PTPRN2: variants seen among roughly 807,000 people sequenced by gnomAD.
PTPRN2 encodes the protein receptor-type tyrosine-protein phosphatase N2.
Under a neutral mutation model 118.8 loss-of-function variants are expected in PTPRN2, and 74 were observed. That is an observed-to-expected ratio of 0.62 (90% confidence interval 0.52 to 0.76). The LOEUF (loss-of-function observed/expected upper bound fraction) is 0.76, where lower values mean the gene tolerates loss of function less well. PTPRN2 is among the 30% of genes least tolerant of loss of function. The pLI is 0.00. For missense variants in PTPRN2, 1,481 were observed against 1,394.4 expected, an observed-to-expected ratio of 1.06 and a Z score of -0.99; for synonymous variants, 641 against 608.0, an observed-to-expected ratio of 1.05 and a Z score of -0.80.
At chr7:157,752,830 G>C (rs531993882) in intron 12 of PTPRN2, among the ~76,000 whole-genome samples, 1 of 152,248 alleles carries the variant, frequency 6.6e-6, no homozygotes, top group African/African-American at 2.4e-5. Flanking sequence ...CAGGGATGGC[G>C]AGGGCCGCCA....
intron 2 of PTPRN2, among the ~76,000 whole-genome samples, chr7:158,368,503 C>CTT (rs1212797972): frequency 6.6e-6 from 1 of 152,240 alleles, no homozygotes; most frequent in African/African-American, 2.4e-5. Flanking sequence ...GACAGCCACA[C>CTT]TTTGAAAAGC....
At chr7:157,797,731 C>A (rs919473569) in intron 12 of PTPRN2, among the ~76,000 whole-genome samples, 12 of 152,228 alleles carry the variant, frequency 7.9e-5, no homozygotes. Flanking sequence ...TGGTGAGGGG[C>A]TGCGTTGGGC....
chr7:157,879,383 A>G (rs1051835017), intron 12 of PTPRN2, among the ~76,000 whole-genome samples: 5 of 151,922 alleles, frequency 3.3e-5, no homozygotes, highest in African/African-American at 7.2e-5. Flanking sequence ...GTGCATGTGC[A>G]CACACACACA....
chr7:158,187,672 GA>G (rs776541032), intron 5 of PTPRN2, among the ~76,000 whole-genome samples: 1 of 152,158 alleles, frequency 6.6e-6, no homozygotes, highest in Non-Finnish European at 1.5e-5. Context: ...TAACAAAGAA[GA>G]AAAATACCTA....
intron 12 of PTPRN2, among the ~76,000 whole-genome samples, chr7:157,832,006 G>A (rs1316926211): frequency 1.3e-5 from 2 of 152,206 alleles, no homozygotes; most frequent in African/African-American, 4.8e-5. Flanking sequence ...TGATGGCCCT[G>A]AGGGGTCCTC....
chr7:157,562,749 C>T (rs1430516208), intron 21 of PTPRN2, among the ~76,000 whole-genome samples: 7 of 147,340 alleles, frequency 4.8e-5, no homozygotes, highest in East Asian at 2.1e-4. Context: ...ACCACGTGCT[C>T]CCGCGTCACC....
At chr7:157,778,722 C>G (rs13227145) in intron 12 of PTPRN2, among the ~76,000 whole-genome samples, 47,423 of 149,700 alleles carry the variant, frequency 0.32, 10,528 homozygotes, top group African/African-American at 0.63. Context: ...ACATGTCCAC[C>G]TGAATACAGG....
At position 157,851,974 on chromosome 7, in the gene PTPRN2, G is replaced by A. The variant is rs138982153; in HGVS notation, c.1788+46699C>T. 6.2e-3 allele frequency among the ~76,000 whole-genome samples: 946 copies of A among 152,354 alleles called. 4 individuals carry two copies. The highest frequency in any genetic ancestry group is 0.01 in the Non-Finnish European group (685 of 68,040). On this transcript the variant is annotated intron_variant, in intron 12 of 22. Coordinates refer to ENST00000389418, the MANE Select transcript of PTPRN2 (RefSeq NM_002847.5). Reference sequence around the variant, plus strand: ...TTTTCCTAAAGATTGACAAGAGGACGTGTTACTCAAATAACCACCCGCTCA... The same window carrying A: ...TTTTCCTAAAGATTGACAAGAGGACATGTTACTCAAATAACCACCCGCTCA...
intron 9 of PTPRN2, among the ~76,000 whole-genome samples, chr7:158,112,454 A>G (rs1199786241): frequency 6.6e-6 from 1 of 152,132 alleles, no homozygotes; most frequent in Non-Finnish European, 1.5e-5. Flanking sequence ...CGAGTGCAGG[A>G]GGCCGTCAGC....
rs1801008840 is a variant in PTPRN2 at position 157,591,994 on chromosome 7, C to T, written c.2496+3244G>A. Among the ~76,000 whole-genome samples, 1 of 152,220 alleles carries T rather than the reference C, an allele frequency of 6.6e-6. No individual in the cohort carries two copies. The highest frequency in any genetic ancestry group is 2.4e-5 in the African/African-American group (1 of 41,452). On this transcript the variant is annotated intron_variant, in intron 17 of 22. Transcript: ENST00000389418. The surrounding 1 kb of genome is among the most constrained non-coding windows in gnomAD (Gnocchi z 4.4). Reference sequence around the variant, plus strand: ...GAACATCCTGGGAGGGCTGAGGCTACTGGCCATGAGCTCTTGTCTTAGAAA... The same window carrying T: ...GAACATCCTGGGAGGGCTGAGGCTATTGGCCATGAGCTCTTGTCTTAGAAA...
At chr7:157,936,519 G>C (rs62475371) in intron 11 of PTPRN2, among the ~76,000 whole-genome samples, 1 of 138,284 alleles carries the variant, frequency 7.2e-6, no homozygotes, top group South Asian at 2.3e-4. Context: ...GTTCTCCCGA[G>C]CACCACTCAA....
Position 157,624,963 on chromosome 7 carries a change from A to G in PTPRN2, c.2197-3454T>C, listed in dbSNP as rs1363393232. Among the ~76,000 whole-genome samples, 3 of 151,776 alleles carry G rather than the reference A, an allele frequency of 2.0e-5. No individual in the cohort carries two copies. The East Asian group carries it at 5.8e-4, about 29-fold the overall frequency. On this transcript the variant is annotated intron_variant, in intron 14 of 22. Coordinates refer to ENST00000389418, the MANE Select transcript of PTPRN2 (RefSeq NM_002847.5). Reference sequence around the variant, plus strand: ...TCAAAAGAAGATATACAAATGACCAACAGACATATGAAAAAATGCTCAACA... The same window carrying G: ...TCAAAAGAAGATATACAAATGACCAGCAGACATATGAAAAAATGCTCAACA...
chr7:158,167,153 T>C lies in PTPRN2; in HGVS notation c.688A>G (p.Ser230Gly). ...TCCACACCACTGTCCACCTTAGGGC[T>C]GAGCTCATCTGGCTGGAGCTGGCCG... ...TLGQLQPDEL[S>G]PKVDSGVDRH... The change falls in exon 6 of 23, where the codon AGC becomes GGC. Residue 230 changes from serine (S) to glycine (G), a missense_variant. Ser to Gly is a moderately conservative substitution (Grantham distance 56). Around this residue, in one of 3 missense-constraint regions of PTPRN2, gnomAD observed 1,115 missense variants for 994.2 expected, o/e 1.12. Transcript: ENST00000389418. 6.2e-7 allele frequency: 1 copy of C among 1,613,932 alleles called. No individual in the cohort carries two copies. The highest frequency in any genetic ancestry group is 8.5e-7 in the Non-Finnish European group (1 of 1,179,964).
In PTPRN2 at chr7:158,192,351, C is replaced by T. The variant is rs780337691; in HGVS notation, c.525G>A (p.Thr175=). ...CCTCAGCGGGGGGTCTGTCCTGCGC[C>T]GTATGGGTCCTGGCGAGCACGTCTG... ...PASDVLARTH[T]AQDRPPAEGD... The change falls in exon 5 of 23, where the codon ACG becomes ACA. Residue 175 remains threonine (T), a synonymous_variant. Transcript: ENST00000389418. The T allele has an allele frequency of 2.5e-5, 38 of 1,511,990 alleles. No homozygotes were observed. The East Asian group carries it at 4.0e-4, about 16-fold the overall frequency. The allele number at this position is 1,511,990 out of a possible 1,614,324, so 93.7% of individuals were successfully genotyped here.
At chr7:157,762,880 G>T (rs1478068799) in intron 12 of PTPRN2, among the ~76,000 whole-genome samples, 2 of 152,190 alleles carry the variant, frequency 1.3e-5, no homozygotes, top group African/African-American at 4.8e-5. Flanking sequence ...CGTGTCCAAG[G>T]CCCTGCAGCC....
intron 11 of PTPRN2, among the ~76,000 whole-genome samples, chr7:158,001,537 C>CAT (rs1805259822): frequency 6.6e-6 from 1 of 152,074 alleles, no homozygotes; most frequent in South Asian, 2.1e-4. Flanking sequence ...CGGCTGGGGA[C>CAT]GTGCACAGCA....
intron 15 of PTPRN2, among the ~76,000 whole-genome samples, chr7:157,606,657 G>A (rs1401399616): frequency 1.3e-5 from 2 of 152,200 alleles, no homozygotes; most frequent in South Asian, 4.1e-4. Flanking sequence ...AACTCGCTGC[G>A]CACCTCCTGT....
rs948824197 is a variant in PTPRN2, at chr7:157,784,653, C to T, written c.1789-101716G>A. On this transcript the variant is annotated intron_variant, in intron 12 of 22. Transcript: ENST00000389418. The surrounding 1 kb of genome is among the most constrained non-coding windows in gnomAD (Gnocchi z 4.6). Reference sequence around the variant, plus strand: ...AAACGGGCAGGGGCTGGGCTGATCCCGTATGAAACGGGCAGGGGCTGGGCT... The same window carrying T: ...AAACGGGCAGGGGCTGGGCTGATCCTGTATGAAACGGGCAGGGGCTGGGCT... Among the ~76,000 whole-genome samples, 1 of 122,128 alleles carries T rather than the reference C, an allele frequency of 8.2e-6. No homozygotes were observed. The allele number at this position is 122,128 out of a possible 152,430, so 80.1% of individuals were successfully genotyped here.
chr7:158,117,714 A>G (rs186120544), intron 9 of PTPRN2, among the ~76,000 whole-genome samples: 8 of 152,308 alleles, frequency 5.3e-5, no homozygotes, highest in African/African-American at 1.9e-4. Flanking sequence ...TTTCCAAATA[A>G]TATTATCAGC....
Sources: gnomAD v4.1 joint callset for allele counts (sites outside exome capture counted in the v4.1 genomes callset) on GRCh38, gnomAD v4.1.1 for gene constraint, gnomAD v4.1.1 regional missense constraint, Gnocchi (gnomAD v3.1) non-coding constraint, MANE v1.5 for transcripts, NCBI Gene and HGNC (gene_info 2026-07-23, HGNC 2026-07-21) for gene names.